The following PLA2G4A variants were observed in gnomAD, a reference collection of about 807,000 sequenced individuals.
The protein encoded by PLA2G4A is phospholipase A2 group IVA.
Under a neutral mutation model 81.9 loss-of-function variants are expected in PLA2G4A, and 40 were observed. The observed-to-expected ratio is 0.49, with a 90% confidence interval of 0.38 to 0.64. PLA2G4A has a LOEUF of 0.64. Among genes scored for constraint, PLA2G4A ranks in the 30% least tolerant of loss-of-function variants. PLA2G4A has a pLI of 0.00. For synonymous variants in PLA2G4A, 302 were observed against 296.9 expected, an observed-to-expected ratio of 1.02 and a Z score of -0.18; for missense variants, 715 against 905.1, an observed-to-expected ratio of 0.79 and a Z score of 2.69.
In PLA2G4A at chr1:186,927,697, G is replaced by T. The variant is rs561300299; in HGVS notation, c.559-5066G>T. On this transcript the variant is annotated intron_variant, in intron 7 of 17. Coordinates refer to ENST00000367466, the MANE Select transcript of PLA2G4A (RefSeq NM_024420.3). ...AATAGAAGTAAAATATGGACCTTAA[G>T]TAATTAATTCTCCGAGTGCCACTTG... 3.9e-5 allele frequency among the ~76,000 whole-genome samples: 6 copies of T among 152,306 alleles called. No individual in the cohort carries two copies. The South Asian group carries it at 6.2e-4, about 16-fold the overall frequency.
intron 1 of PLA2G4A, 141 bp from the exon 2 acceptor site, chr1:186,854,145 C>A (rs563929564): frequency 6.0e-6 from 3 of 496,570 alleles, no homozygotes; most frequent in East Asian, 3.0e-5. Context: ...TGTGTGATAA[C>A]CCATTCGTAT....
chr1:186,946,698 C>A lies in PLA2G4A; in HGVS notation c.1095C>A (p.Pro365=), dbSNP rs763504723. 1.2e-6 allele frequency: 2 copies of A among 1,610,720 alleles called. No homozygotes were observed. Among genetic ancestry groups the A allele is most frequent in the African/African-American group, 2.7e-5 (2 of 74,776 alleles). ...CTAAATATGGTACTTTTATGGCTCC[C>A]GACTTATTTGGAAGCAAATTTTTTA... is the stretch of plus-strand genomic sequence containing the variant. ...GMAKYGTFMA[P]DLFGSKFFMG... The change falls in exon 11 of 18, where the codon CCC becomes CCA. Residue 365 remains proline (P), a synonymous_variant. Coordinates refer to ENST00000367466, the MANE Select transcript of PLA2G4A (RefSeq NM_024420.3).
chr1:186,982,320 CTT>C (rs1461033435), intron 17 of PLA2G4A, among the ~76,000 whole-genome samples: 1 of 152,198 alleles, frequency 6.6e-6, no homozygotes, highest in Non-Finnish European at 1.5e-5. Context: ...TTACATGTGA[CTT>C]TGAATAAGCT....
intron 16 of PLA2G4A, among the ~76,000 whole-genome samples, chr1:186,978,083 A>C (rs1657594319): frequency 6.6e-6 from 1 of 152,168 alleles, no homozygotes; most frequent in Non-Finnish European, 1.5e-5. Flanking sequence ...ATTTTTAATC[A>C]AATATTTTGA....
At chr1:186,979,609 A>T (rs1257770956) in intron 17 of PLA2G4A, 137 bp downstream of exon 17, 1 of 659,170 alleles carries the variant, frequency 1.5e-6, no homozygotes, top group Non-Finnish European at 2.7e-6. Flanking sequence ...TTTACTTTTC[A>T]TGAAATATTT....
rs541386479 is a variant in PLA2G4A at position 186,885,871 on chromosome 1, A to C, written c.116-7140A>C. ...TATCCAGACTGAAACACAAAAGACA[A>C]ATAAGGAAATAAAATATAGAATAAA... On this transcript the variant is annotated intron_variant, in intron 3 of 17. Coordinates refer to ENST00000367466, the MANE Select transcript of PLA2G4A (RefSeq NM_024420.3). Among the ~76,000 whole-genome samples, 7 of 152,252 alleles carry C rather than the reference A, an allele frequency of 4.6e-5. No individual in the cohort carries two copies. In the South Asian group the frequency reaches 1.5e-3, roughly 32 times the overall value.
At position 186,862,904 on chromosome 1, in the gene PLA2G4A, A is replaced by G. The variant is rs537825521; in HGVS notation, c.34-7531A>G. Among the ~76,000 whole-genome samples, 11 of 152,302 alleles carry G rather than the reference A, an allele frequency of 7.2e-5. No individual in the cohort carries two copies. The East Asian group carries it at 1.7e-3, about 24-fold the overall frequency. On this transcript the variant is annotated intron_variant, in intron 2 of 17. Transcript: ENST00000367466. ...ACTCCAGAAGAATGTAGATTTCCTC[A>G]TAAGTATTGAGGTAGGAAAAGGCTG... is the stretch of plus-strand genomic sequence containing the variant.
At chr1:186,891,584 A>G (rs1394732479) in intron 3 of PLA2G4A, among the ~76,000 whole-genome samples, 1 of 152,110 alleles carries the variant, frequency 6.6e-6, no homozygotes, top group African/African-American at 2.4e-5. Flanking sequence ...GGCTTATTTC[A>G]CTTAAGATAA....
intron 3 of PLA2G4A, chr1:186,870,848 T>C: frequency 1.5e-6 from 1 of 659,704 alleles, no homozygotes; most frequent in Admixed American, 2.4e-5. Flanking sequence ...TCTTCAAATG[T>C]GGTTATGTTT....
At chr1:186,926,430 A>T (rs1655550199) in intron 7 of PLA2G4A, among the ~76,000 whole-genome samples, 1 of 152,214 alleles carries the variant, frequency 6.6e-6, no homozygotes, top group South Asian at 2.1e-4. Context: ...CTCTTGGCAG[A>T]AATAATCAGC....
intron 1 of PLA2G4A, among the ~76,000 whole-genome samples, chr1:186,848,060 T>C (rs1336657078): frequency 6.6e-6 from 1 of 151,908 alleles, no homozygotes; most frequent in African/African-American, 2.4e-5. Flanking sequence ...TGAAAGAACC[T>C]CAGAAAACGA....
At chr1:186,907,273 A>G (rs2102145638) in intron 6 of PLA2G4A, among the ~76,000 whole-genome samples, 1 of 152,316 alleles carries the variant, frequency 6.6e-6, no homozygotes, top group East Asian at 1.9e-4. Flanking sequence ...GTGCTTTATG[A>G]AAGAGTCCTC....
At chr1:186,899,489 C>T (rs1197795523) in intron 5 of PLA2G4A, among the ~76,000 whole-genome samples, 1 of 152,090 alleles carries the variant, frequency 6.6e-6, no homozygotes, top group African/African-American at 2.4e-5. Context: ...AAGAGAACAG[C>T]CTATCTGAAG....
At position 186,965,497 on chromosome 1, in the gene PLA2G4A, G is replaced by A; in HGVS notation, c.1668G>A (p.Leu556=). ...HVVDSGLTFN[L]PYPLILRPQR... is the part of the protein sequence containing the mutation. ...TGGACAGTGGGCTCACATTTAACCT[G>A]CCGTATCCCTTGATACTGAGACCTC... The change falls in exon 15 of 18, where the codon CTG becomes CTA. Residue 556 remains leucine (L), a synonymous_variant. Transcript: ENST00000367466. The A allele has an allele frequency of 6.2e-7, 1 of 1,611,502 alleles. No individual in the cohort carries two copies. The highest frequency in any genetic ancestry group is 8.5e-7 in the Non-Finnish European group (1 of 1,177,602).
chr1:186,916,877 T>C (rs573249036), intron 7 of PLA2G4A, among the ~76,000 whole-genome samples: 1 of 152,344 alleles, frequency 6.6e-6, no homozygotes, highest in African/African-American at 2.4e-5. Context: ...GTGTCTACTA[T>C]ACAAGTCCAA....
intron 3 of PLA2G4A, among the ~76,000 whole-genome samples, chr1:186,890,156 G>T: frequency 6.6e-6 from 1 of 152,116 alleles, no homozygotes; most frequent in East Asian, 1.9e-4. Flanking sequence ...AATTATAATG[G>T]CCGCATGGAA....
chr1:186,902,584 G>T (rs1425055987), intron 5 of PLA2G4A, among the ~76,000 whole-genome samples: 1 of 152,010 alleles, frequency 6.6e-6, no homozygotes, highest in African/African-American at 2.4e-5. Flanking sequence ...CATCCAGGTA[G>T]CCTGAGGCAA....
intron 1 of PLA2G4A, among the ~76,000 whole-genome samples, chr1:186,838,773 C>T (rs1454184069): frequency 6.6e-6 from 1 of 152,136 alleles, no homozygotes; most frequent in African/African-American, 2.4e-5. Context: ...GGTCTTTGTG[C>T]TCCCTAAGAT....
chr1:186,932,596 C>T (rs1013754234), intron 7 of PLA2G4A, among the ~76,000 whole-genome samples, 167 bp from the exon 8 acceptor site: 6 of 133,490 alleles, frequency 4.5e-5, no homozygotes, highest in Non-Finnish European at 8.8e-5. Context: ...CCACTGCACC[C>T]GGCCTTATTT....
Sources: gnomAD v4.1 joint callset for allele counts (sites outside exome capture counted in the v4.1 genomes callset) on GRCh38, gnomAD v4.1.1 for gene constraint, MANE v1.5 for transcripts, NCBI Gene and HGNC (gene_info 2026-07-23, HGNC 2026-07-21) for gene names.